Variants in IMMP2L observed in about 807,000 individuals in gnomAD.
IMMP2L encodes inner mitochondrial membrane peptidase subunit 2, also known as mitochondrial inner membrane protease subunit 2.
A neutral mutation model predicts 19.3 loss-of-function variants in IMMP2L; 18 were observed. The ratio of observed to expected loss-of-function variants is 0.93; its 90% confidence interval spans 0.64 to 1.38. The LOEUF (loss-of-function observed/expected upper bound fraction) is 1.38. IMMP2L is among the 40% of genes most tolerant of loss of function. The pLI is 0.00. For synonymous variants in IMMP2L, 76 were observed against 73.0 expected (o/e 1.04, Z -0.21); for missense variants, 233 against 218.2 (o/e 1.07, Z -0.43).
intron 3 of IMMP2L, among the ~76,000 whole-genome samples, chr7:111,274,119 G>A (rs533706049): frequency 1.1e-4 from 16 of 151,846 alleles, no homozygotes; most frequent in South Asian, 2.1e-4. Flanking sequence ...TTTCCCAGGG[G>A]GAAAAAATCA....
In IMMP2L at chr7:110,749,715, G is replaced by T. The variant is rs563414972; in HGVS notation, c.409-85994C>A. The stretch of plus-strand genomic sequence containing the variant: ...GAACAATGAGAACACATGTACACAG[G>T]GATGGGAACATCACACACTAGGGCC... On this transcript the variant is annotated intron_variant, in intron 5 of 5. Coordinates refer to ENST00000405709, the MANE Select transcript of IMMP2L (RefSeq NM_032549.4). 3.3e-5 allele frequency among the ~76,000 whole-genome samples: 5 copies of T among 152,138 alleles called. No homozygotes were observed. In the South Asian group the frequency reaches 1.0e-3, roughly 32 times the overall value.
intron 3 of IMMP2L, among the ~76,000 whole-genome samples, chr7:111,376,788 C>T (rs767362694): frequency 5.9e-5 from 9 of 152,066 alleles, no homozygotes; most frequent in African/African-American, 9.6e-5. Flanking sequence ...TGAAAGAAGT[C>T]GGTCACAAAG....
chr7:111,163,751 G>C (rs1248002160), intron 3 of IMMP2L, among the ~76,000 whole-genome samples: 1 of 151,986 alleles, frequency 6.6e-6, no homozygotes, highest in Admixed American at 6.6e-5. Flanking sequence ...CCAACCCAGG[G>C]ACTCTCCAAG....
At chr7:110,713,334 C>G (rs1381047431) in intron 5 of IMMP2L, among the ~76,000 whole-genome samples, 1 of 152,126 alleles carries the variant, frequency 6.6e-6, no homozygotes, top group African/African-American at 2.4e-5. Context: ...AGTTTGAAGT[C>G]AGGTAATGTG....
At chr7:111,059,863 T>G (rs780777289) in intron 3 of IMMP2L, among the ~76,000 whole-genome samples, 1 of 151,198 alleles carries the variant, frequency 6.6e-6, no homozygotes, top group East Asian at 1.9e-4. Flanking sequence ...TATGAATATA[T>G]AAATATATCT....
At chr7:111,521,815 AG>A (rs1447622463) in intron 1 of IMMP2L, among the ~76,000 whole-genome samples, 1 of 152,128 alleles carries the variant, frequency 6.6e-6, no homozygotes, top group Non-Finnish European at 1.5e-5. Context: ...CAGTAATAAA[AG>A]TTTCAGTGGA....
chr7:110,828,827 A>G (rs929403782), intron 5 of IMMP2L, among the ~76,000 whole-genome samples: 2 of 152,174 alleles, frequency 1.3e-5, no homozygotes, highest in African/African-American at 2.4e-5. Context: ...AAATTTAGTG[A>G]GCATAATACT....
chr7:111,146,639 C>T (rs887432503), intron 3 of IMMP2L, among the ~76,000 whole-genome samples: 1 of 151,876 alleles, frequency 6.6e-6, no homozygotes, highest in Admixed American at 6.6e-5. Flanking sequence ...GTAAACTCCA[C>T]GAGGGCAAGA....
At chr7:110,705,213 A>G (rs1794568456) in intron 5 of IMMP2L, among the ~76,000 whole-genome samples, 1 of 152,166 alleles carries the variant, frequency 6.6e-6, no homozygotes. Flanking sequence ...GATAATCAAG[A>G]GTTGGCTAAA....
At chr7:110,664,694 ATTG>A (rs1420283055) in intron 5 of IMMP2L, 2 of 152,272 alleles carry the variant, frequency 1.3e-5, no homozygotes, top group East Asian at 1.9e-4. Flanking sequence ...TTTTAAAAAA[ATTG>A]TTGTTGTTAT....
At chr7:110,685,132 A>C (rs1793024283) in intron 5 of IMMP2L, among the ~76,000 whole-genome samples, 1 of 152,108 alleles carries the variant, frequency 6.6e-6, no homozygotes, top group South Asian at 2.1e-4. Flanking sequence ...ATCATAAAAA[A>C]ATCCTGATAG....
At chr7:110,918,502 G>A (rs541016167) in intron 4 of IMMP2L, among the ~76,000 whole-genome samples, 1 of 149,106 alleles carries the variant, frequency 6.7e-6, no homozygotes, top group African/African-American at 2.5e-5. Context: ...GTTGCCCAGG[G>A]TGGAGTGCAA....
chr7:111,376,296 C>A (rs1476438533), intron 3 of IMMP2L, among the ~76,000 whole-genome samples: 1 of 152,016 alleles, frequency 6.6e-6, no homozygotes, highest in Non-Finnish European at 1.5e-5. Flanking sequence ...CCAATAAACA[C>A]ATAAAAAGAT....
At chr7:111,331,898 A>C (rs750563034) in intron 3 of IMMP2L, among the ~76,000 whole-genome samples, 1 of 151,878 alleles carries the variant, frequency 6.6e-6, no homozygotes, top group Admixed American at 6.6e-5. Flanking sequence ...CTAGAAGATG[A>C]CCTTAACCCA....
chr7:111,040,296 TA>T (rs1791772163), intron 3 of IMMP2L, among the ~76,000 whole-genome samples: 1 of 152,226 alleles, frequency 6.6e-6, no homozygotes, highest in Non-Finnish European at 1.5e-5. Flanking sequence ...ATTCTTTAAA[TA>T]GATATGGAGT....
At chr7:111,139,078 T>C (rs1802623248) in intron 3 of IMMP2L, among the ~76,000 whole-genome samples, 2 of 152,072 alleles carry the variant, frequency 1.3e-5, no homozygotes, top group African/African-American at 4.8e-5. Context: ...AATGAACAAA[T>C]AAATGAATGT....
intron 3 of IMMP2L, among the ~76,000 whole-genome samples, chr7:111,111,404 C>T (rs962023925): frequency 6.7e-6 from 1 of 149,580 alleles, no homozygotes; most frequent in South Asian, 2.1e-4. Flanking sequence ...GCTTTCCATC[C>T]CCCCCCAAAA....
At chr7:111,428,704 A>C (rs1836332492) in intron 3 of IMMP2L, among the ~76,000 whole-genome samples, 1 of 151,820 alleles carries the variant, frequency 6.6e-6, no homozygotes, top group Admixed American at 6.6e-5. Context: ...GAAATATAAA[A>C]TCAGTCTAAG....
chr7:111,424,966 T>C (rs112297923), intron 3 of IMMP2L, among the ~76,000 whole-genome samples: 4 of 151,900 alleles, frequency 2.6e-5, no homozygotes, highest in African/African-American at 9.7e-5. Context: ...GCTAGCCATG[T>C]GTACTTCTGA....
Sources: allele counts gnomAD v4.1 joint callset (sites outside exome capture counted in the v4.1 genomes callset), GRCh38; gene constraint gnomAD v4.1.1; transcripts MANE v1.5; gene names NCBI Gene and HGNC (gene_info 2026-07-23, HGNC 2026-07-21).